ABCB4: variants seen among roughly 807,000 people sequenced by gnomAD.
ABCB4 encodes the protein ATP binding cassette subfamily B member 4.
Under a neutral mutation model 145.7 loss-of-function variants are expected in ABCB4, and 76 were observed. The observed-to-expected ratio is 0.52, with a 90% CI of 0.43 to 0.63. ABCB4 has a LOEUF of 0.63. Ranked by LOEUF, ABCB4 falls within the 30% of genes least tolerant of loss-of-function variation. ABCB4 has a pLI of 0.00. For synonymous variants in ABCB4, 517 were observed against 566.8 expected (o/e 0.91, Z 1.25); for missense variants, 1,234 against 1,553.1 (o/e 0.79, Z 3.45).
the ABCB4 span, among the ~76,000 whole-genome samples, chr7:87,368,220 T>G: frequency 2.0e-5 from 3 of 152,198 alleles, no homozygotes; most frequent in Non-Finnish European, 2.9e-5. Context: ...CTCACTCCAT[T>G]CAGTTTTCTG....
intron 17 of ABCB4, 183 bp downstream of exon 17, chr7:87,423,723 A>T: frequency 1.5e-6 from 1 of 668,978 alleles, no homozygotes. Flanking sequence ...ATCATAACTT[A>T]GAGTGATTCA....
rs528084596 is a variant in ABCB4, at chr7:87,452,378, CTTT to C, written c.536+563_536+565del. 7.8e-3 allele frequency: 1,055 copies of C among 134,640 alleles called. 6 individuals are homozygous for C. Among genetic ancestry groups the C allele is most frequent in the African/African-American group, 0.019 (670 of 35,432 alleles). The allele number at this position is 134,640 out of a possible 1,614,324, so 8.3% of individuals were successfully genotyped here. A position where few individuals can be genotyped will look rare whatever the true frequency, so the allele number is the denominator to read the frequency against. ...AAGGCCCTAAATGTCTTGCTTTTCC[CTTT>C]TTTTTTTTTTTTTTTTTGACTTATT... On this transcript the variant is annotated intron_variant, in intron 6 of 27. Transcript: ENST00000649586.
chr7:87,369,293 T>C, the ABCB4 span: 1 of 798,590 alleles, frequency 1.3e-6, no homozygotes, highest in Non-Finnish European at 2.0e-6. Flanking sequence ...GAAGAATGCC[T>C]ACTTTTCTTC....
At chr7:87,392,704 A>T in the ABCB4 span, 5 of 1,611,518 alleles carry the variant, frequency 3.1e-6, no homozygotes, top group Non-Finnish European at 4.2e-6. Flanking sequence ...TTTTTTTCTA[A>T]CCTGAGATTT....
At chr7:87,426,691 T>G in intron 16 of ABCB4, 59 bp downstream of exon 16, 1 of 1,543,874 alleles carries the variant, frequency 6.5e-7, no homozygotes, top group Non-Finnish European at 8.9e-7. Context: ...GCTAAGAATT[T>G]CAATAATTGT....
At chr7:87,406,172 G>A (rs1808168970) in intron 26 of ABCB4, 116 bp downstream of exon 26, 6 of 1,090,808 alleles carry the variant, frequency 5.5e-6, no homozygotes, top group Non-Finnish European at 8.4e-6. Flanking sequence ...CCTTGTCCAA[G>A]TTGTTAATGT....
At chr7:87,401,143 A>G (rs1382892716), downstream of ABCB4, among the ~76,000 whole-genome samples, 2 of 152,202 alleles carry the variant, frequency 1.3e-5, no homozygotes, top group African/African-American at 2.4e-5. Flanking sequence ...CTGAAACTTG[A>G]TCCACTCACA....
chr7:87,429,973 C>T (rs1266612810), intron 15 of ABCB4, among the ~76,000 whole-genome samples: 1 of 151,124 alleles, frequency 6.6e-6, no homozygotes, highest in Non-Finnish European at 1.5e-5. Flanking sequence ...ACAAAATCCA[C>T]CCTTTTAAAC....
At chr7:87,426,944 A>AGC (rs1809865539) in intron 15 of ABCB4, 24 bp from the exon 16 acceptor site, 3 of 1,033,082 alleles carry the variant, frequency 2.9e-6, no homozygotes, top group South Asian at 1.4e-5. Context: ...AAGACATTAA[A>AGC]GTGTGTGTGT....
At chr7:87,468,538 G>A (rs1813096116) in intron 3 of ABCB4, among the ~76,000 whole-genome samples, 1 of 152,118 alleles carries the variant, frequency 6.6e-6, no homozygotes, top group Non-Finnish European at 1.5e-5. Flanking sequence ...ATTTTATGAG[G>A]CCAGCATCAT....
chr7:87,452,662 G>T lies in ABCB4; in HGVS notation c.536+282C>A, dbSNP rs1811823716. The T allele has an allele frequency of 2.6e-5, 13 of 491,238 alleles. No individual in the cohort carries two copies. In the East Asian group the frequency reaches 4.9e-4, roughly 19 times the overall value. 30.4% of individuals were successfully genotyped at this position (491,238 alleles called of 1,614,324 possible). ...ATTGATTCAACCATCTTTACTGACA[G>T]TCTAGCACCTGTCACGTCCTGCAGT... is the stretch of plus-strand genomic sequence containing the variant. On this transcript the variant is annotated intron_variant, in intron 6 of 27. Coordinates refer to ENST00000649586, the MANE Select transcript of ABCB4 (RefSeq NM_000443.4).
At chr7:87,468,008 A>G (rs1813055690) in intron 3 of ABCB4, among the ~76,000 whole-genome samples, 1 of 152,230 alleles carries the variant, frequency 6.6e-6, no homozygotes, top group Non-Finnish European at 1.5e-5. Flanking sequence ...GAGCAAACAC[A>G]TTCAAAAGCT....
chr7:87,440,078 A>G, intron 13 of ABCB4, 121 bp downstream of exon 13: 1 of 1,241,030 alleles, frequency 8.1e-7, no homozygotes, highest in African/African-American at 1.5e-5. Context: ...CAGGGGACTT[A>G]TCTAGCAAAG....
chr7:87,456,592 A>G (rs1438127570), intron 4 of ABCB4, among the ~76,000 whole-genome samples: 2 of 152,198 alleles, frequency 1.3e-5, no homozygotes, highest in Admixed American at 6.5e-5. Flanking sequence ...TGGGTACCAT[A>G]CTTTTACAGC....
chr7:87,457,305 G>A (rs1463250599), intron 4 of ABCB4, among the ~76,000 whole-genome samples: 1 of 152,170 alleles, frequency 6.6e-6, no homozygotes, highest in African/African-American at 2.4e-5. Context: ...AGCTACACAG[G>A]AGACTGAAGC....
At chr7:87,403,734 A>G (rs749971049) in intron 26 of ABCB4, among the ~76,000 whole-genome samples, 1 of 152,212 alleles carries the variant, frequency 6.6e-6, no homozygotes, top group African/African-American at 2.4e-5. Context: ...CAGTTCCATT[A>G]TAATCTTATG....
intron 10 of ABCB4, 152 bp downstream of exon 10, chr7:87,444,710 T>C (rs1811228610): frequency 1.2e-5 from 7 of 591,342 alleles, no homozygotes; most frequent in Non-Finnish European, 2.1e-5. Flanking sequence ...TTTCATTTAT[T>C]ACTAACAGGT....
At chr7:87,435,984 T>A (rs1332808737) in intron 14 of ABCB4, among the ~76,000 whole-genome samples, 1 of 152,118 alleles carries the variant, frequency 6.6e-6, no homozygotes, top group East Asian at 1.9e-4. Flanking sequence ...TTGACAAAAA[T>A]ATTTCCTGCA....
chr7:87,454,579 C>A lies in ABCB4; in HGVS notation c.300G>T (p.Leu100Phe). ...GNFSFPVNFS[L>F]SLLNPGKILE... The stretch of plus-strand genomic sequence containing the variant: ...GAATTTTGCCTGGATTTAGCAGCGA[C>A]AAGGAAAAGTTCACTAAATTAAAAA... The change falls in exon 5 of 28, where the codon TTG becomes TTT. Residue 100 changes from leucine (L) to phenylalanine (F), a missense_variant. By Grantham distance (22) the Leu-to-Phe change is conservative (BLOSUM62 0). Transcript: ENST00000649586. 18 of 1,610,678 alleles carry A rather than the reference C, an allele frequency of 1.1e-5. No homozygotes were observed. The highest frequency in any genetic ancestry group is 1.5e-5 in the Non-Finnish European group (18 of 1,177,846).
Sources: allele counts gnomAD v4.1 joint callset (sites outside exome capture counted in the v4.1 genomes callset), GRCh38; gene constraint gnomAD v4.1.1; transcripts MANE v1.5; gene names NCBI Gene and HGNC (gene_info 2026-07-23, HGNC 2026-07-21).